Variants in MKRN1 observed in about 807,000 individuals in gnomAD.
MKRN1 encodes the protein makorin ring finger protein 1.
A neutral mutation model predicts 55.5 loss-of-function variants in MKRN1; 9 were observed. That is an observed-to-expected ratio of 0.16 (90% CI 0.10 to 0.28). The LOEUF (loss-of-function observed/expected upper bound fraction) is 0.28, where lower values mean the gene tolerates loss of function less well. MKRN1 is among the 10% of genes least tolerant of loss of function. The probability of loss-of-function intolerance (pLI) is 1.00; values close to 1 mark genes in which losing one functional copy is unlikely to be tolerated. For synonymous variants in MKRN1, 253 were observed against 235.9 expected, an observed-to-expected ratio of 1.07 and a Z score of -0.66; for missense variants, 488 against 626.7, an observed-to-expected ratio of 0.78 and a Z score of 2.36.
At chr7:140,473,119 A>G (rs1794984110) in intron 1 of MKRN1, 1 of 353,476 alleles carries the variant, frequency 2.8e-6, no homozygotes, top group Admixed American at 4.3e-5. Flanking sequence ...AAAAAGAAAA[A>G]GAAAAAAAGA....
At chr7:140,473,701 A>C (rs1209317169) in intron 1 of MKRN1, 3 of 152,454 alleles carry the variant, frequency 2.0e-5, no homozygotes, top group Admixed American at 6.5e-5. Context: ...CTTGTTAGAA[A>C]AAGGTAGAAA....
rs1204438699 is a variant in MKRN1 at position 140,466,745 on chromosome 7, A to T, written c.314+5138T>A. ...CGTGAACGTGGGAAGCGGAGCTTGCAGTAAGCCGAGATTGCGCCACTGCAG... is the reference window on the plus strand; with the variant it reads ...CGTGAACGTGGGAAGCGGAGCTTGCTGTAAGCCGAGATTGCGCCACTGCAG... On this transcript the variant is annotated intron_variant, in intron 2 of 7. Coordinates refer to ENST00000255977, the MANE Select transcript of MKRN1 (RefSeq NM_013446.4). Among the ~76,000 whole-genome samples the T allele has an allele frequency of 2.0e-5, 3 of 148,678 alleles. No homozygotes were observed. The Admixed American group carries it at 2.0e-4, about 10-fold the overall frequency.
chr7:140,468,424 G>C (rs1288076017), intron 2 of MKRN1, among the ~76,000 whole-genome samples: 4 of 142,230 alleles, frequency 2.8e-5, no homozygotes, highest in Admixed American at 1.4e-4. Flanking sequence ...GGAGAGGCCA[G>C]GTGCGGTGGC....
In MKRN1 at chr7:140,456,957, AAT is replaced by A. The variant is rs1491553529; in HGVS notation, c.772-93_772-92del. The A allele has an allele frequency of 2.5e-4, 315 of 1,259,064 alleles. 1 individual carries two copies. The African/African-American group carries it at 3.2e-3, about 13-fold the overall frequency. 78.0% of individuals were successfully genotyped at this position (1,259,064 alleles called of 1,614,324 possible). A position where few individuals can be genotyped will look rare whatever the true frequency, so the allele number is the denominator to read the frequency against. Reference sequence around the variant, plus strand: ...TTAATGATTCACAGTCAAAGAATCAAATAGTCAACTGAAAAAACAATGTTCCC... The same window carrying A: ...TTAATGATTCACAGTCAAAGAATCAAAGTCAACTGAAAAAACAATGTTCCC... On this transcript the variant is annotated intron_variant, in intron 4 of 7. Transcript: ENST00000255977.
At chr7:140,456,513 G>T in intron 5 of MKRN1, 139 bp downstream of exon 5, 1 of 1,454,008 alleles carries the variant, frequency 6.9e-7, no homozygotes. Flanking sequence ...ATACAAAGAA[G>T]AAATCCCCAT....
intron 1 of MKRN1, among the ~76,000 whole-genome samples, chr7:140,475,647 G>C (rs181839343): frequency 6.6e-6 from 1 of 152,238 alleles, no homozygotes; most frequent in Admixed American, 6.5e-5. Context: ...CTAGGGGACA[G>C]AGCGAGACCC....
chr7:140,478,450 T>A (rs1392459494), intron 1 of MKRN1: 2 of 152,016 alleles, frequency 1.3e-5, no homozygotes, highest in Non-Finnish European at 2.9e-5. Context: ...AAGAGGAACA[T>A]AGCGCTGGGG....
intron 2 of MKRN1, among the ~76,000 whole-genome samples, chr7:140,463,746 G>A (rs1482133196): frequency 1.3e-5 from 2 of 152,030 alleles, no homozygotes; most frequent in African/African-American, 4.8e-5. Flanking sequence ...TTAGCCGGGC[G>A]TGGTGGCAGG....
chr7:140,454,524 T>C lies in MKRN1; in HGVS notation c.1442A>G (p.Asp481Gly). The change falls in exon 8 of 8, where the codon GAT becomes GGT. Residue 481 changes from aspartate (D) to glycine (G), a missense_variant. Transcript: ENST00000255977. Reference sequence around the variant, plus strand: ...ACACGCCACGCAAGGTTGCTATAGATCCAAGTCATAAAAATCTTCCAGCTC... The same window carrying C: ...ACACGCCACGCAAGGTTGCTATAGACCCAAGTCATAAAAATCTTCCAGCTC... ...HDELEDFYDL[D>G]L 5 of 1,611,594 alleles carry C rather than the reference T, an allele frequency of 3.1e-6. No homozygotes were observed. The highest frequency in any genetic ancestry group is 4.2e-6 in the Non-Finnish European group (5 of 1,179,644).
intron 5 of MKRN1, chr7:140,456,336 A>G: frequency 1.6e-6 from 2 of 1,227,752 alleles, no homozygotes; most frequent in African/African-American, 3.1e-5. Context: ...GTAAAACGTC[A>G]GGAAACATAC....
intron 1 of MKRN1, chr7:140,473,438 T>C: frequency 3.5e-6 from 1 of 286,440 alleles, no homozygotes; most frequent in Non-Finnish European, 6.9e-6. Context: ...CAAGTTACCC[T>C]GTAAGGGTAC....
chr7:140,466,888 T>C (rs1372682228), intron 2 of MKRN1, among the ~76,000 whole-genome samples: 1 of 150,464 alleles, frequency 6.6e-6, no homozygotes, highest in East Asian at 1.9e-4. Flanking sequence ...TTCACACCAC[T>C]GCACTCTAAC....
At chr7:140,478,383 C>A (rs975288394) in intron 1 of MKRN1, 1 of 152,164 alleles carries the variant, frequency 6.6e-6, no homozygotes, top group Admixed American at 6.6e-5. Flanking sequence ...CCAAACCTCT[C>A]TCTCTTCCGG....
chr7:140,477,493 T>C (rs1409876143), intron 1 of MKRN1, among the ~76,000 whole-genome samples: 3 of 152,102 alleles, frequency 2.0e-5, no homozygotes, highest in Non-Finnish European at 4.4e-5. Context: ...GCTAATGTTT[T>C]TTGTATTTTC....
At chr7:140,455,262 TCA>T in intron 6 of MKRN1, 29 bp from the exon 7 acceptor site, 1 of 1,613,336 alleles carries the variant, frequency 6.2e-7, no homozygotes, top group South Asian at 1.1e-5. Flanking sequence ...CAACCCTTAT[TCA>T]CAGTGGATTT....
intron 2 of MKRN1, among the ~76,000 whole-genome samples, chr7:140,470,998 G>A (rs1357152229): frequency 6.6e-6 from 1 of 152,106 alleles, no homozygotes; most frequent in Non-Finnish European, 1.5e-5. Flanking sequence ...TCTCATAAGT[G>A]TCTCTGAGAT....
chr7:140,464,478 C>T (rs937769443), intron 2 of MKRN1, among the ~76,000 whole-genome samples: 4 of 151,902 alleles, frequency 2.6e-5, no homozygotes, highest in African/African-American at 7.3e-5. Context: ...CCGAGGTGGG[C>T]GATCACCTGA....
intron 2 of MKRN1, among the ~76,000 whole-genome samples, chr7:140,466,947 A>AAACC (rs957872837): frequency 1.3e-5 from 2 of 151,722 alleles, no homozygotes; most frequent in African/African-American, 4.8e-5. Context: ...AGAAACAAAC[A>AAACC]ACAAACCAAT....
At chr7:140,472,048 A>G (rs780813440) in intron 1 of MKRN1, 37 bp from the exon 2 acceptor site, 1 of 1,612,366 alleles carries the variant, frequency 6.2e-7, no homozygotes. Context: ...GATTAAAACC[A>G]ATCCTTGAAA....
Sources: allele counts gnomAD v4.1 joint callset (sites outside exome capture counted in the v4.1 genomes callset), GRCh38; gene constraint gnomAD v4.1.1; transcripts MANE v1.5; gene names NCBI Gene and HGNC (gene_info 2026-07-23, HGNC 2026-07-21).